ALK: variants seen among roughly 807,000 people sequenced by gnomAD.
ALK encodes the protein ALK receptor tyrosine kinase, also known as ALK tyrosine kinase receptor.
Under a neutral mutation model 163.1 loss-of-function variants are expected in ALK, and 74 were observed. The ratio of observed to expected loss-of-function variants is 0.45; its 90% CI spans 0.38 to 0.55. The LOEUF (loss-of-function observed/expected upper bound fraction) is 0.55. Ranked by LOEUF, ALK falls within the 20% of genes least tolerant of loss-of-function variation. The pLI is 0.00. For missense variants in ALK, 2,063 were observed against 2,105.3 expected (o/e 0.98, Z 0.39); for synonymous variants, 960 against 843.2 (o/e 1.14, Z -2.40).
intron 4 of ALK, among the ~76,000 whole-genome samples, chr2:29,514,082 G>A (rs1672593663): frequency 9.1e-6 from 1 of 109,896 alleles, no homozygotes; most frequent in South Asian, 2.7e-4. Context: ...CATTGTGGAA[G>A]TCAGTGTGGC....
chr2:29,689,783 C>G (rs529717876), intron 3 of ALK, among the ~76,000 whole-genome samples: 2 of 152,260 alleles, frequency 1.3e-5, no homozygotes, highest in South Asian at 2.1e-4. Flanking sequence ...TAAGGTGGGC[C>G]TTCAATCCGA....
chr2:29,362,142 G>A (rs1668402557), intron 5 of ALK, among the ~76,000 whole-genome samples: 1 of 152,178 alleles, frequency 6.6e-6, no homozygotes, highest in African/African-American at 2.4e-5. Flanking sequence ...TGGGTGGTGG[G>A]CAGGAAGAAT....
chr2:29,224,099 C>T (rs1020402055), intron 19 of ALK, among the ~76,000 whole-genome samples: 2 of 152,220 alleles, frequency 1.3e-5, no homozygotes, highest in Admixed American at 6.5e-5. Flanking sequence ...CTGCTGTGCT[C>T]AGCCATTGGG....
intron 5 of ALK, among the ~76,000 whole-genome samples, chr2:29,382,258 C>G (rs1275620092): frequency 1.3e-5 from 2 of 152,120 alleles, no homozygotes; most frequent in African/African-American, 2.4e-5. Context: ...TTAGGGAGGT[C>G]AACTCTATTG....
At chr2:29,585,726 T>C (rs1674866866) in intron 3 of ALK, among the ~76,000 whole-genome samples, 1 of 152,144 alleles carries the variant, frequency 6.6e-6, no homozygotes, top group Non-Finnish European at 1.5e-5. Context: ...TAATATTAAA[T>C]ATTCTCTATA....
intron 25 of ALK, among the ~76,000 whole-genome samples, chr2:29,208,200 A>G (rs897997170): frequency 1.3e-5 from 2 of 152,214 alleles, no homozygotes; most frequent in African/African-American, 2.4e-5. Flanking sequence ...GATTCATTCT[A>G]CTTGAGGCAG....
intron 3 of ALK, among the ~76,000 whole-genome samples, chr2:29,584,997 C>T (rs1055174253): frequency 1.4e-4 from 22 of 152,276 alleles, no homozygotes; most frequent in African/African-American, 5.3e-4. Context: ...GCTTAGGAGG[C>T]CCACAGCCAA....
chr2:29,309,974 A>G (rs1445145650), intron 8 of ALK, among the ~76,000 whole-genome samples: 1 of 152,240 alleles, frequency 6.6e-6, no homozygotes, highest in South Asian at 2.1e-4. Flanking sequence ...AATTGCTGCC[A>G]TTCATCAAGC....
intron 1 of ALK, among the ~76,000 whole-genome samples, chr2:29,835,222 G>A (rs1359353026): frequency 6.6e-6 from 1 of 152,192 alleles, no homozygotes; most frequent in East Asian, 1.9e-4. Context: ...TAGAGGCTGA[G>A]AAAGTAGCAG....
chr2:29,413,440 A>T (rs890199763), intron 4 of ALK, among the ~76,000 whole-genome samples: 7 of 151,946 alleles, frequency 4.6e-5, no homozygotes, highest in African/African-American at 1.7e-4. Context: ...TCCGCCTCCC[A>T]GGTTCAATTG....
intron 24 of ALK, among the ~76,000 whole-genome samples, chr2:29,210,579 T>G (rs921057780): frequency 6.6e-6 from 1 of 152,126 alleles, no homozygotes; most frequent in African/African-American, 2.4e-5. Context: ...GTTACAGGCA[T>G]GCAGCACCAC....
chr2:29,586,454 G>A (rs1489795965), intron 3 of ALK, among the ~76,000 whole-genome samples: 1 of 151,766 alleles, frequency 6.6e-6, no homozygotes, highest in East Asian at 1.9e-4. Context: ...TATCTTTTAG[G>A]TCTCAAAAAA....
At chr2:29,416,671 G>T (rs1669884436) in intron 4 of ALK, among the ~76,000 whole-genome samples, 1 of 152,104 alleles carries the variant, frequency 6.6e-6, no homozygotes, top group African/African-American at 2.4e-5. Flanking sequence ...CAAGGCTTGG[G>T]CCCCAGATAC....
chr2:29,489,968 T>A (rs1282371151), intron 4 of ALK, among the ~76,000 whole-genome samples: 1 of 152,260 alleles, frequency 6.6e-6, no homozygotes, highest in Non-Finnish European at 1.5e-5. Flanking sequence ...TTGCACCACA[T>A]GCTGGCCGGG....
rs560624420 is a variant in ALK, at chr2:29,212,448, A to G, written c.3743+1536T>C. On this transcript the variant is annotated intron_variant, in intron 24 of 28. Coordinates refer to ENST00000389048, the MANE Select transcript of ALK (RefSeq NM_004304.5). The stretch of plus-strand genomic sequence containing the variant: ...AGGAGCAGATGGTAAAGCTAGGCCC[A>G]GCTCCTTTTTGGCTTCCATTATTTC... Among the ~76,000 whole-genome samples the G allele has an allele frequency of 7.9e-5, 12 of 152,354 alleles. No homozygotes were observed. In the South Asian group the frequency reaches 1.9e-3, roughly 24 times the overall value.
At chr2:29,609,277 T>C (rs1675625355) in intron 3 of ALK, among the ~76,000 whole-genome samples, 1 of 151,904 alleles carries the variant, frequency 6.6e-6, no homozygotes, top group South Asian at 2.1e-4. Flanking sequence ...TGTTTTTTTG[T>C]GTGTGGTTTT....
intron 1 of ALK, among the ~76,000 whole-genome samples, chr2:29,754,723 T>A (rs962961160): frequency 6.6e-6 from 1 of 152,054 alleles, no homozygotes; most frequent in African/African-American, 2.4e-5. Flanking sequence ...AAAGTAGAGC[T>A]CTAAACTTGT....
chr2:29,741,914 C>G (rs570690848), intron 1 of ALK, among the ~76,000 whole-genome samples: 134 of 152,300 alleles, frequency 8.8e-4, no homozygotes, highest in African/African-American at 2.7e-3. Flanking sequence ...GAGAGAATTA[C>G]TCACCCAAAG....
rs144335974 is a variant in ALK, at chr2:29,797,727, T to C, written c.668-80030A>G. On this transcript the variant is annotated intron_variant, in intron 1 of 28. Coordinates refer to ENST00000389048, the MANE Select transcript of ALK (RefSeq NM_004304.5). ...TTAAATCTCCTTAAATCAGGGACTC[T>C]TTCCTACTCATCTCCATATCCATGC... Among the ~76,000 whole-genome samples the C allele has an allele frequency of 3.7e-3, 570 of 152,354 alleles. 3 individuals carry two copies. Among genetic ancestry groups the C allele is most frequent in the African/African-American group, 0.013 (530 of 41,590 alleles).
Sources: allele counts gnomAD v4.1 joint callset (sites outside exome capture counted in the v4.1 genomes callset), GRCh38; gene constraint gnomAD v4.1.1; transcripts MANE v1.5; gene names NCBI Gene and HGNC (gene_info 2026-07-23, HGNC 2026-07-21).